GGA3: variants seen among roughly 807,000 people sequenced by gnomAD.
GGA3 encodes golgi associated, gamma adaptin ear containing, ARF binding protein 3, also known as ADP-ribosylation factor-binding protein GGA3.
Under a neutral mutation model 77.5 loss-of-function variants are expected in GGA3, and 57 were observed. The ratio of observed to expected loss-of-function variants is 0.74; its 90% CI spans 0.59 to 0.92. The LOEUF is 0.92. Ranked by LOEUF, GGA3 falls within the 40% of genes least tolerant of loss-of-function variation. The pLI, the probability that GGA3 is intolerant of heterozygous loss-of-function variation, is 0.00. For missense variants in GGA3, 970 were observed against 914.9 expected (o/e 1.06, Z -0.78); for synonymous variants, 416 against 383.7 (o/e 1.08, Z -0.98).
In GGA3 at chr17:75,241,046, A is replaced by G; in HGVS notation, c.958T>C (p.Cys320Arg). Reference sequence around the variant, plus strand: ...TCGATGAGCGTGCCTTGGTTACTGCACTGACTGTTTCCTGGATGGGTCAAC... The same window carrying G: ...TCGATGAGCGTGCCTTGGTTACTGCGCTGACTGTTTCCTGGATGGGTCAAC... ...TLPDSEGNSQCSNQGTLIDLA... is the reference protein window; with the variant it reads ...TLPDSEGNSQRSNQGTLIDLA... Residue 320 changes from cysteine (C) to arginine (R), a missense_variant, in exon 11 of 17, where the codon TGC (cysteine) becomes CGC (arginine). Cys to Arg is a radical substitution (Grantham distance 180, BLOSUM62 -3). Coordinates refer to ENST00000537686, the MANE Select transcript of GGA3 (RefSeq NM_138619.4). 1 of 1,614,086 alleles carries G rather than the reference A, an allele frequency of 6.2e-7. No individual in the cohort carries two copies.
At chr17:75,257,590 C>G (rs2077200801) in intron 1 of GGA3, among the ~76,000 whole-genome samples, 1 of 152,036 alleles carries the variant, frequency 6.6e-6, no homozygotes, top group African/African-American at 2.4e-5. Flanking sequence ...TCTTATTCCA[C>G]TTAGTTTTTC....
rs186441514 is a variant in GGA3 at position 75,241,723 on chromosome 17, A to C, written c.748-27T>G. On this transcript the variant is annotated intron_variant, in intron 8 of 16. Transcript: ENST00000537686. The stretch of plus-strand genomic sequence containing the variant: ...TGAAAGAGACTCGGACATAAAAATC[A>C]AACCACAAAGGCCCTTAGAGATCAT... 1.7e-3 allele frequency: 2,753 copies of C among 1,594,942 alleles called. 40 individuals carry two copies. In the Middle Eastern group the frequency reaches 0.068, roughly 40 times the overall value.
At chr17:75,262,160 C>T, upstream of GGA3, 2 of 758,880 alleles carry the variant, frequency 2.6e-6, no homozygotes, top group East Asian at 2.7e-5. Flanking sequence ...TACCTCTCGC[C>T]TAAGGAGTCT....
intron 1 of GGA3, among the ~76,000 whole-genome samples, chr17:75,248,493 A>AAAAAAAAAAAAAAAAC (rs2076836570): frequency 3.1e-5 from 4 of 131,088 alleles, no homozygotes; most frequent in Non-Finnish European, 3.2e-5. Flanking sequence ...AAAAAAAAAA[A>AAAAAAAAAAAAAAAAC]ATCACCAGCT....
At chr17:75,252,304 A>G (rs1598432650) in intron 1 of GGA3, among the ~76,000 whole-genome samples, 2 of 151,830 alleles carry the variant, frequency 1.3e-5, no homozygotes, top group African/African-American at 4.8e-5. Context: ...GGCTCACTGT[A>G]GCCTCCAACT....
Position 75,238,988 on chromosome 17 carries a change from C to G in GGA3, c.1876G>C (p.Val626Leu). 2 of 1,614,132 alleles carry G rather than the reference C, an allele frequency of 1.2e-6. No individual in the cohort carries two copies. Among genetic ancestry groups the G allele is most frequent in the Non-Finnish European group, 1.7e-6 (2 of 1,180,028 alleles). Residue 626 changes from valine to leucine, a missense_variant, in exon 15 of 17, where the codon GTG becomes CTG. Coordinates refer to ENST00000537686, the MANE Select transcript of GGA3 (RefSeq NM_138619.4). ...ECPPGRPDVL[V>L]VVVSMLNTAP... ...GTGTTCAGCATGGACACCACCACCA[C>G]CAGCACGTCAGGTCGTCCTGGGGGA...
At chr17:75,257,285 C>CT (rs1555591662) in intron 1 of GGA3, among the ~76,000 whole-genome samples, 1 of 70,182 alleles carries the variant, frequency 1.4e-5, no homozygotes, top group African/African-American at 2.8e-5. Context: ...TGTGCCCCCC[C>CT]CCCCAAAAAA....
chr17:75,249,171 G>C (rs1051395600), intron 1 of GGA3, among the ~76,000 whole-genome samples: 14 of 150,758 alleles, frequency 9.3e-5, no homozygotes, highest in Non-Finnish European at 1.8e-4. Flanking sequence ...TCAGCCTCCC[G>C]AGTAGCTGGG....
intron 4 of GGA3, 87 bp from the exon 5 acceptor site, chr17:75,243,657 T>C: frequency 1.1e-5 from 14 of 1,331,100 alleles, no homozygotes; most frequent in Non-Finnish European, 1.5e-5. Context: ...ATGGCGTGGC[T>C]GCTCAGCAGC....
intron 1 of GGA3, among the ~76,000 whole-genome samples, chr17:75,255,211 G>GT (rs1277371592): frequency 2.6e-5 from 4 of 151,972 alleles, no homozygotes; most frequent in African/African-American, 9.7e-5. Context: ...CTCCATAACT[G>GT]TTGTGGGTAT....
intron 1 of GGA3, among the ~76,000 whole-genome samples, chr17:75,255,344 C>T (rs1343978762): frequency 6.6e-5 from 10 of 152,202 alleles, no homozygotes; most frequent in East Asian, 3.9e-4. Flanking sequence ...GGCCGAGACA[C>T]TTTAACTAAA....
chr17:75,256,466 G>A (rs925916936), intron 1 of GGA3, among the ~76,000 whole-genome samples: 2 of 151,230 alleles, frequency 1.3e-5, no homozygotes, highest in African/African-American at 4.9e-5. Context: ...CCCCATGACT[G>A]TATCTCTCTG....
Position 75,237,737 on chromosome 17 carries a change from A to C in GGA3, c.*542T>G. 7.0e-7 allele frequency: 1 copy of C among 1,433,852 alleles called. No individual in the cohort carries two copies. Among genetic ancestry groups the C allele is most frequent in the Non-Finnish European group, 9.1e-7 (1 of 1,097,538 alleles). The allele number at this position is 1,433,852 out of a possible 1,614,324, so 88.8% of individuals were successfully genotyped here. ...AGGGCTGGGGACTTTGCAGTATGCC[A>C]GTTCCTTATTCTGGGCCAGGCACCT... On this transcript the variant is annotated 3_prime_UTR_variant, in exon 17 of 17. Coordinates refer to ENST00000537686, the MANE Select transcript of GGA3 (RefSeq NM_138619.4).
upstream of GGA3, chr17:75,261,742 T>A: frequency 8.7e-7 from 1 of 1,154,802 alleles, no homozygotes; most frequent in Non-Finnish European, 1.2e-6. Flanking sequence ...GGTTTCCTTT[T>A]GGCGCTCCCC....
Position 75,237,168 on chromosome 17 carries a change from C to G in GGA3, c.*1111G>C, listed in dbSNP as rs2076347895. ...GGGACAAGCTGGCGGGGGCCAAGCA[C>G]TGTTGAAGCAATAGGGTCTGGTGAC... On this transcript the variant is annotated 3_prime_UTR_variant, in exon 17 of 17. Coordinates refer to ENST00000537686, the MANE Select transcript of GGA3 (RefSeq NM_138619.4). 1 of 470,028 alleles carries G rather than the reference C, an allele frequency of 2.1e-6. No homozygotes were observed. The allele number at this position is 470,028 out of a possible 1,614,324, so 29.1% of individuals were successfully genotyped here.
chr17:75,240,310 C>G (rs780323438), intron 12 of GGA3, 32 bp downstream of exon 12: 8 of 1,471,790 alleles, frequency 5.4e-6, no homozygotes, highest in Non-Finnish European at 7.5e-6. Context: ...GTCCTTGGCA[C>G]AGTAGTGCTG....
chr17:75,261,760 C>A (rs965453042), upstream of GGA3: 2 of 1,147,348 alleles, frequency 1.7e-6, no homozygotes, highest in Non-Finnish European at 2.4e-6. Context: ...CCCTTTGGAC[C>A]CCGGAGTGAA....
chr17:75,242,229 A>G, intron 8 of GGA3, 107 bp downstream of exon 8: 1 of 1,171,302 alleles, frequency 8.5e-7, no homozygotes, highest in South Asian at 1.3e-5. Flanking sequence ...TACACTGCCA[A>G]GTGCACAGCC....
intron 1 of GGA3, among the ~76,000 whole-genome samples, chr17:75,249,414 A>T (rs1373022914): frequency 1.3e-5 from 2 of 152,176 alleles, no homozygotes; most frequent in Non-Finnish European, 2.9e-5. Context: ...GTCCTTCAAA[A>T]TCTGGAGCTT....
Sources: gnomAD v4.1 joint callset for allele counts (sites outside exome capture counted in the v4.1 genomes callset) on GRCh38, gnomAD v4.1.1 for gene constraint, MANE v1.5 for transcripts, NCBI Gene and HGNC (gene_info 2026-07-23, HGNC 2026-07-21) for gene names.